Variants in KCNB2 observed in about 807,000 individuals in gnomAD.
KCNB2 encodes potassium voltage-gated channel subfamily B member 2.
Under a neutral mutation model 61.5 loss-of-function variants are expected in KCNB2, and 15 were observed. That is an observed-to-expected ratio of 0.24 (90% CI 0.16 to 0.38). KCNB2 has a LOEUF of 0.38. Among genes scored for constraint, KCNB2 ranks in the 10% least tolerant of loss-of-function variants. KCNB2 has a pLI of 1.00. For missense variants in KCNB2, 828 were observed against 1,125.2 expected (o/e 0.74, Z 3.78); for synonymous variants, 457 against 446.0 (o/e 1.02, Z -0.31).
chr8:72,819,462 C>T (rs1315785146), intron 2 of KCNB2, among the ~76,000 whole-genome samples: 1 of 152,058 alleles, frequency 6.6e-6, no homozygotes. Flanking sequence ...TGTAGGCTCA[C>T]CTTTGTTGTA....
At chr8:72,636,425 AGG>A (rs1349650214) in intron 2 of KCNB2, among the ~76,000 whole-genome samples, 1 of 152,226 alleles carries the variant, frequency 6.6e-6, no homozygotes, top group Non-Finnish European at 1.5e-5. Flanking sequence ...AATTATGGAA[AGG>A]ATACAATTTT....
chr8:72,705,058 G>A (rs1807198444), intron 2 of KCNB2, among the ~76,000 whole-genome samples: 1 of 152,158 alleles, frequency 6.6e-6, no homozygotes, highest in Non-Finnish European at 1.5e-5. Flanking sequence ...AGGGCTGACT[G>A]TATGAAGCTG....
At chr8:72,747,440 C>T (rs1406704917) in intron 2 of KCNB2, among the ~76,000 whole-genome samples, 1 of 152,048 alleles carries the variant, frequency 6.6e-6, no homozygotes, top group Non-Finnish European at 1.5e-5. Context: ...AGGCAATCTC[C>T]AAGACAAGTT....
intron 2 of KCNB2, among the ~76,000 whole-genome samples, chr8:72,801,931 G>A (rs1384826642): frequency 6.6e-6 from 1 of 151,984 alleles, no homozygotes; most frequent in Non-Finnish European, 1.5e-5. Flanking sequence ...GTTCCTCTAG[G>A]CTCTAAGAAG....
chr8:72,661,374 T>C (rs1355411186), intron 2 of KCNB2: 1 of 152,248 alleles, frequency 6.6e-6, no homozygotes, highest in East Asian at 1.9e-4. Context: ...TTTTGATTTC[T>C]GTTCTAAGAG....
intron 2 of KCNB2, among the ~76,000 whole-genome samples, chr8:72,756,551 T>A (rs573363122): frequency 6.6e-6 from 1 of 152,294 alleles, no homozygotes; most frequent in South Asian, 2.1e-4. Context: ...TTTTGGGAAA[T>A]TGGGAGCCAA....
intron 2 of KCNB2, among the ~76,000 whole-genome samples, chr8:72,771,538 G>A (rs1248314152): frequency 1.3e-5 from 2 of 151,984 alleles, no homozygotes; most frequent in African/African-American, 2.4e-5. Flanking sequence ...ATATTAGGTT[G>A]GTGCAAAAGT....
chr8:72,889,485 C>T (rs940251084), intron 2 of KCNB2, among the ~76,000 whole-genome samples: 1 of 152,048 alleles, frequency 6.6e-6, no homozygotes, highest in Non-Finnish European at 1.5e-5. Flanking sequence ...TCCAGGAGTT[C>T]AAGACCAGGT....
intron 2 of KCNB2, among the ~76,000 whole-genome samples, chr8:72,839,008 T>C (rs1454425809): frequency 5.3e-5 from 8 of 152,182 alleles, no homozygotes. Context: ...TTTAAAATTT[T>C]AATTCACAAG....
intron 2 of KCNB2, among the ~76,000 whole-genome samples, chr8:72,863,602 T>C (rs1488405783): frequency 2.6e-5 from 4 of 152,158 alleles, no homozygotes; most frequent in Non-Finnish European, 5.9e-5. Context: ...GATCTAAGAG[T>C]TGGTGTCTGT....
At chr8:72,856,676 C>A (rs900736672) in intron 2 of KCNB2, among the ~76,000 whole-genome samples, 1 of 152,048 alleles carries the variant, frequency 6.6e-6, no homozygotes, top group Non-Finnish European at 1.5e-5. Context: ...TTTTATGAAT[C>A]CCTGTTCTTG....
chr8:72,783,774 A>G (rs1325122121), intron 2 of KCNB2, among the ~76,000 whole-genome samples: 1 of 152,120 alleles, frequency 6.6e-6, no homozygotes, highest in Non-Finnish European at 1.5e-5. Context: ...GATGAATGAG[A>G]AATTATGATC....
chr8:72,608,433 G>C (rs1023151235), intron 2 of KCNB2, among the ~76,000 whole-genome samples: 28 of 152,260 alleles, frequency 1.8e-4, no homozygotes, highest in Admixed American at 3.3e-4. Context: ...TTGGAAAGTG[G>C]AGTCTAGGGT....
chr8:72,773,073 A>G (rs1460339236), intron 2 of KCNB2, among the ~76,000 whole-genome samples: 1 of 152,132 alleles, frequency 6.6e-6, no homozygotes, highest in African/African-American at 2.4e-5. Flanking sequence ...TCTTTAGTCC[A>G]TCCTCTCAAT....
intron 2 of KCNB2, among the ~76,000 whole-genome samples, chr8:72,633,595 C>G (rs1235570900): frequency 6.6e-6 from 1 of 152,162 alleles, no homozygotes; most frequent in Non-Finnish European, 1.5e-5. Context: ...TCTTAGAAGA[C>G]TCTGAGGGAT....
At chr8:72,718,829 T>C (rs1281988027) in intron 2 of KCNB2, among the ~76,000 whole-genome samples, 1 of 152,000 alleles carries the variant, frequency 6.6e-6, no homozygotes, top group Non-Finnish European at 1.5e-5. Context: ...TAAAATAAAA[T>C]AAAAACAGGT....
At chr8:72,742,565 C>T (rs1807980366) in intron 2 of KCNB2, among the ~76,000 whole-genome samples, 1 of 152,184 alleles carries the variant, frequency 6.6e-6, no homozygotes, top group Non-Finnish European at 1.5e-5. Context: ...TGGCTGATCC[C>T]TCATGCCAGC....
At chr8:72,689,111 G>C (rs1283792171) in intron 2 of KCNB2, among the ~76,000 whole-genome samples, 2 of 152,082 alleles carry the variant, frequency 1.3e-5, no homozygotes, top group Non-Finnish European at 2.9e-5. Context: ...GGTATAGATG[G>C]AAGTAGATAT....
At position 72,643,538 on chromosome 8, in the gene KCNB2, G is replaced by A. The variant is rs149429906; in HGVS notation, c.579+75225G>A. Among the ~76,000 whole-genome samples, 85 of 152,220 alleles carry A rather than the reference G, an allele frequency of 5.6e-4. 1 individual carries two copies. Among genetic ancestry groups the A allele is most frequent in the African/African-American group, 1.9e-3 (81 of 41,556 alleles). On this transcript the variant is annotated intron_variant, in intron 2 of 2. Transcript: ENST00000523207. ...TTAAGAGCACTCCATGGTGTGGAGTGTGGCCCAGTCACTCTGTTGAGGTGT... is the reference window on the plus strand; with the variant it reads ...TTAAGAGCACTCCATGGTGTGGAGTATGGCCCAGTCACTCTGTTGAGGTGT...
Sources: gnomAD v4.1 joint callset for allele counts (sites outside exome capture counted in the v4.1 genomes callset) on GRCh38, gnomAD v4.1.1 for gene constraint, MANE v1.5 for transcripts, NCBI Gene and HGNC (gene_info 2026-07-23, HGNC 2026-07-21) for gene names.